MTBP: variants seen among roughly 807,000 people sequenced by gnomAD.
MTBP encodes mdm2-binding protein.
A neutral mutation model predicts 117.0 loss-of-function variants in MTBP; 101 were observed. The ratio of observed to expected loss-of-function variants is 0.86; its 90% CI spans 0.73 to 1.02. MTBP has a LOEUF of 1.02. MTBP is among the 50% of genes least tolerant of loss of function. MTBP has a pLI of 0.00. For synonymous variants in MTBP, 350 were observed against 351.5 expected, an observed-to-expected ratio of 1.00 and a Z score of 0.05; for missense variants, 970 against 1,030.9, an observed-to-expected ratio of 0.94 and a Z score of 0.81.
Position 120,461,238 on chromosome 8 carries a change from G to A in MTBP, c.960G>A (p.Ser320=), listed in dbSNP as rs776444575. The A allele has an allele frequency of 1.4e-5, 23 of 1,594,894 alleles. No individual in the cohort carries two copies. The highest frequency in any genetic ancestry group is 2.2e-5 in the South Asian group (2 of 90,446). ...KLSDLPSCYM[S]DIEFELGLTN... Reference sequence around the variant, plus strand: ...CAGATCTACCCTCCTGCTATATGTCGGATATTGAATTTGAGTTGTATCCTT... The same window carrying A: ...CAGATCTACCCTCCTGCTATATGTCAGATATTGAATTTGAGTTGTATCCTT... The change falls in exon 9 of 22, where the codon TCG becomes TCA. Residue 320 remains serine (S), a synonymous_variant. Coordinates refer to ENST00000305949, the MANE Select transcript of MTBP (RefSeq NM_022045.5).
intron 20 of MTBP, among the ~76,000 whole-genome samples, chr8:120,520,221 A>G (rs1308736626): frequency 6.6e-6 from 1 of 152,192 alleles, no homozygotes; most frequent in East Asian, 1.9e-4. Flanking sequence ...TCTCATAGAA[A>G]GAAGATAATC....
rs77085215 is a variant in MTBP at position 120,475,253 on chromosome 8, T to C, written c.1165+4316T>C. ...TCTTCTCCTGACCTCTTATTCATCT[T>C]CCTAGCTTTATCTTTTTACCTTAGT... On this transcript the variant is annotated intron_variant, in intron 11 of 21. Coordinates refer to ENST00000305949, the MANE Select transcript of MTBP (RefSeq NM_022045.5). Among the ~76,000 whole-genome samples the C allele has an allele frequency of 3.3e-5, 5 of 151,996 alleles. No homozygotes were observed. In the East Asian group the frequency reaches 9.6e-4, roughly 29 times the overall value.
Position 120,506,747 on chromosome 8 carries a change from A to G in MTBP, c.1769A>G (p.His590Arg). 1 of 1,613,104 alleles carries G rather than the reference A, an allele frequency of 6.2e-7. No homozygotes were observed. Among genetic ancestry groups the G allele is most frequent in the Non-Finnish European group, 8.5e-7 (1 of 1,179,568 alleles). Reference sequence around the variant, plus strand: ...CATTCATCTGAACAGTTGCTGGGCCACAAAGAGGGTCCTCGGGACTCAATC... The same window carrying G: ...CATTCATCTGAACAGTTGCTGGGCCGCAAAGAGGGTCCTCGGGACTCAATC... ...LPHSSEQLLG[H>R]KEGPRDSITL... The change falls in exon 16 of 22, where the codon CAC becomes CGC. Residue 590 changes from histidine (H) to arginine (R), a missense_variant. By Grantham distance (29) the His-to-Arg change is conservative. Transcript: ENST00000305949.
intron 9 of MTBP, among the ~76,000 whole-genome samples, chr8:120,462,156 T>C (rs1438156627): frequency 6.6e-6 from 1 of 152,054 alleles, no homozygotes; most frequent in African/African-American, 2.4e-5. Context: ...TTAAATTCTA[T>C]CCTAAAGATA....
Position 120,523,348 on chromosome 8 carries a change from T to C in MTBP, c.*12T>C, listed in dbSNP as rs756688701. The C allele has an allele frequency of 6.6e-7, 1 of 1,520,050 alleles. No homozygotes were observed. The highest frequency in any genetic ancestry group is 1.2e-5 in the South Asian group (1 of 80,790). The allele number at this position is 1,520,050 out of a possible 1,614,324, so 94.2% of individuals were successfully genotyped here. A position where few individuals can be genotyped will look rare whatever the true frequency, so the allele number is the denominator to read the frequency against. On this transcript the variant is annotated 3_prime_UTR_variant, in exon 22 of 22. Transcript: ENST00000305949. ...CAAGCAAGAAATGATACATAATCAT[T>C]CTCTTTAAGACAATTATAAATTGGA...
chr8:120,479,224 A>T (rs1409044271), intron 11 of MTBP, among the ~76,000 whole-genome samples: 1 of 152,154 alleles, frequency 6.6e-6, no homozygotes, highest in Non-Finnish European at 1.5e-5. Flanking sequence ...AACATCACAC[A>T]ATATACCCTC....
intron 4 of MTBP, chr8:120,452,585 C>T (rs1563783157): frequency 6.6e-6 from 1 of 152,242 alleles, no homozygotes; most frequent in Non-Finnish European, 1.5e-5. Flanking sequence ...AATCCCAGCA[C>T]TTTGGGAGGC....
chr8:120,510,789 A>C (rs1357541036), intron 17 of MTBP, among the ~76,000 whole-genome samples: 1 of 152,100 alleles, frequency 6.6e-6, no homozygotes, highest in Non-Finnish European at 1.5e-5. Flanking sequence ...GTGTGCCTGT[A>C]GTCCTAGCTA....
At chr8:120,503,450 G>T (rs1415557618) in intron 15 of MTBP, among the ~76,000 whole-genome samples, 2 of 152,128 alleles carry the variant, frequency 1.3e-5, no homozygotes, top group Non-Finnish European at 2.9e-5. Context: ...TATTTGTTGT[G>T]GGGAGGGAAG....
intron 2 of MTBP, among the ~76,000 whole-genome samples, chr8:120,447,811 T>C (rs1563781216): frequency 6.6e-6 from 1 of 152,210 alleles, no homozygotes; most frequent in African/African-American, 2.4e-5. Context: ...CAAGAGTAGT[T>C]TGAGCAGTGC....
intron 11 of MTBP, among the ~76,000 whole-genome samples, chr8:120,479,475 C>T (rs1349775091): frequency 6.6e-6 from 1 of 152,182 alleles, no homozygotes; most frequent in Admixed American, 6.5e-5. Flanking sequence ...GCTAGGAATA[C>T]AGTGGTAAAC....
intron 1 of MTBP, among the ~76,000 whole-genome samples, chr8:120,445,789 C>T (rs1040641423): frequency 2.0e-5 from 3 of 152,104 alleles, no homozygotes; most frequent in African/African-American, 7.2e-5. Flanking sequence ...TGCAAGATTC[C>T]AGCCCTTAGA....
In MTBP at chr8:120,451,294, A is replaced by T. The variant is rs566600503; in HGVS notation, c.397A>T (p.Asn133Tyr). The T allele has an allele frequency of 2.5e-4, 398 of 1,613,206 alleles. 7 individuals carry two copies. In the Middle Eastern group the frequency reaches 4.5e-3, roughly 18 times the overall value. ...TGAGTGTTTTGAAGAAGAAGACAGT[A>T]ATAGCAGGGAATCATTATCCTTGGC... ...AVECFEEEDS[N>Y]SRESLSLADL... The change falls in exon 4 of 22, where the codon AAT becomes TAT. Residue 133 changes from asparagine (N) to tyrosine (Y), a missense_variant. By Grantham distance (143) the Asn-to-Tyr change is moderately radical (BLOSUM62 -2). Coordinates refer to ENST00000305949, the MANE Select transcript of MTBP (RefSeq NM_022045.5).
At chr8:120,461,139 A>G in intron 8 of MTBP, 22 bp from the exon 9 acceptor site, 1 of 1,470,052 alleles carries the variant, frequency 6.8e-7, no homozygotes, top group Non-Finnish European at 9.5e-7. Flanking sequence ...TAAATATTAC[A>G]CAATTTTAAT....
chr8:120,488,388 G>A (rs1814264946), intron 12 of MTBP, 56 bp downstream of exon 12: 1 of 1,312,362 alleles, frequency 7.6e-7, no homozygotes. Flanking sequence ...TGTGTGGTTA[G>A]CATATGTGGC....
Position 120,459,146 on chromosome 8 carries a change from A to G in MTBP, c.748-69A>G. The G allele has an allele frequency of 6.7e-6, 9 of 1,338,072 alleles. No individual in the cohort carries two copies. The South Asian group carries it at 1.2e-4, about 18-fold the overall frequency. 82.9% of individuals were successfully genotyped at this position (1,338,072 alleles called of 1,614,324 possible). On this transcript the variant is annotated intron_variant, in intron 7 of 21. Coordinates refer to ENST00000305949, the MANE Select transcript of MTBP (RefSeq NM_022045.5). ...ATTTCCCCTCAACTTTTACATTGTA[A>G]TAAGATGTATTAATCTTTATAGCAT...
At chr8:120,466,167 T>C (rs975746401) in intron 10 of MTBP, among the ~76,000 whole-genome samples, 3 of 151,424 alleles carry the variant, frequency 2.0e-5, no homozygotes, top group Non-Finnish European at 4.4e-5. Flanking sequence ...AAATATGAAG[T>C]AATTTATTTT....
chr8:120,478,208 A>T (rs894101735), intron 11 of MTBP, among the ~76,000 whole-genome samples: 1 of 152,146 alleles, frequency 6.6e-6, no homozygotes, highest in African/African-American at 2.4e-5. Flanking sequence ...AACAATGAGA[A>T]CACATGGACA....
intron 11 of MTBP, chr8:120,473,932 AGT>A (rs1226995767): frequency 2.0e-5 from 3 of 152,032 alleles, no homozygotes; most frequent in African/African-American, 7.2e-5. Flanking sequence ...AATAAACTTG[AGT>A]GTATTCTGGC....
Sources: allele counts gnomAD v4.1 joint callset (sites outside exome capture counted in the v4.1 genomes callset), GRCh38; gene constraint gnomAD v4.1.1; transcripts MANE v1.5; gene names NCBI Gene and HGNC (gene_info 2026-07-23, HGNC 2026-07-21).